Variants in COL19A1 observed in about 807,000 individuals in gnomAD.
The protein encoded by COL19A1 is collagen alpha-1(XIX) chain.
In COL19A1, 159 loss-of-function variants were observed where a neutral mutation model predicts 190.2. The ratio of observed to expected loss-of-function variants is 0.84; its 90% CI spans 0.73 to 0.95. The LOEUF (loss-of-function observed/expected upper bound fraction) is 0.95. COL19A1 is among the 40% of genes least tolerant of loss of function. The pLI is 0.00. For synonymous variants in COL19A1, 509 were observed against 458.9 expected (o/e 1.11, Z -1.39); for missense variants, 1,418 against 1,431.9 (o/e 0.99, Z 0.16).
intron 14 of COL19A1, among the ~76,000 whole-genome samples, chr6:70,067,360 A>T (rs919735929): frequency 2.6e-5 from 4 of 152,010 alleles, no homozygotes; most frequent in African/African-American, 9.7e-5. Context: ...TGTGAGAGAG[A>T]AGTTTAAGAG....
At chr6:70,026,401 G>C (rs1778733549) in intron 12 of COL19A1, among the ~76,000 whole-genome samples, 1 of 152,170 alleles carries the variant, frequency 6.6e-6, no homozygotes, top group South Asian at 2.1e-4. Flanking sequence ...AATCTTGAAA[G>C]AGTCCTTCAC....
chr6:70,168,950 T>C (rs1443392921), intron 40 of COL19A1, among the ~76,000 whole-genome samples: 1 of 152,156 alleles, frequency 6.6e-6, no homozygotes, highest in Non-Finnish European at 1.5e-5. Context: ...ACATATAAAC[T>C]CTGATAAATG....
chr6:69,963,262 CAACT>C (rs1383369468), intron 11 of COL19A1, among the ~76,000 whole-genome samples: 2 of 152,056 alleles, frequency 1.3e-5, no homozygotes, highest in African/African-American at 4.8e-5. Flanking sequence ...TAAATAAGAA[CAACT>C]AACTGTAAAA....
At chr6:70,181,673 A>ACACACACACACACC (rs1348219252) in intron 44 of COL19A1, among the ~76,000 whole-genome samples, 1 of 151,700 alleles carries the variant, frequency 6.6e-6, no homozygotes, top group African/African-American at 2.4e-5. Context: ...ACACACACAC[A>ACACACACACACACC]CACACACAGA....
At chr6:69,954,008 T>C (rs1409604409) in intron 9 of COL19A1, among the ~76,000 whole-genome samples, 1 of 152,032 alleles carries the variant, frequency 6.6e-6, no homozygotes, top group Admixed American at 6.6e-5. Flanking sequence ...AAGGAGCTTT[T>C]AGCCAGACAC....
At chr6:69,988,041 A>C (rs946678087) in intron 11 of COL19A1, among the ~76,000 whole-genome samples, 1 of 152,186 alleles carries the variant, frequency 6.6e-6, no homozygotes, top group African/African-American at 2.4e-5. Flanking sequence ...AAGACTCAAA[A>C]ATGGTTCACT....
At chr6:70,117,736 A>G (rs971251675) in intron 16 of COL19A1, among the ~76,000 whole-genome samples, 4 of 152,194 alleles carry the variant, frequency 2.6e-5, no homozygotes, top group Admixed American at 1.3e-4. Context: ...TCACCACATT[A>G]ATCCAGATGT....
At chr6:70,187,959 G>A (rs527385512) in intron 46 of COL19A1, 116 bp from the exon 47 acceptor site, 1 of 1,214,772 alleles carries the variant, frequency 8.2e-7, no homozygotes, top group Non-Finnish European at 1.2e-6. Context: ...GAGAGTTTAA[G>A]TTATTTATAC....
intron 14 of COL19A1, among the ~76,000 whole-genome samples, chr6:70,036,418 C>G (rs1779354165): frequency 6.6e-6 from 1 of 152,132 alleles, no homozygotes; most frequent in Admixed American, 6.5e-5. Flanking sequence ...TGATTTGATT[C>G]TAAAATTTGC....
chr6:70,176,494 G>T, intron 41 of COL19A1, 26 bp from the exon 42 acceptor site: 1 of 1,610,262 alleles, frequency 6.2e-7, no homozygotes, highest in Non-Finnish European at 8.5e-7. Context: ...TGTCATTAAA[G>T]TAGCAATGTT....
Position 70,174,572 on chromosome 6 carries a change from C to T in COL19A1, c.2623-1948C>T, listed in dbSNP as rs193134166. Among the ~76,000 whole-genome samples the T allele has an allele frequency of 2.9e-3, 406 of 139,440 alleles. 1 individual carries two copies. Among genetic ancestry groups the T allele is most frequent in the African/African-American group, 0.01 (393 of 38,032 alleles). 91.5% of individuals were successfully genotyped at this position (139,440 alleles called of 152,430 possible). ...CAGACTCCGTCTCAAAAAAAAAAAACAAAAAAAACAGGACTACATGTGCTT... is the reference window on the plus strand; with the variant it reads ...CAGACTCCGTCTCAAAAAAAAAAAATAAAAAAAACAGGACTACATGTGCTT... On this transcript the variant is annotated intron_variant, in intron 41 of 50. Transcript: ENST00000620364.
intron 15 of COL19A1, among the ~76,000 whole-genome samples, chr6:70,091,837 TG>T (rs1160475445): frequency 6.6e-6 from 1 of 152,126 alleles, no homozygotes; most frequent in Non-Finnish European, 1.5e-5. Flanking sequence ...TGGGAAATGT[TG>T]GATCTGATGG....
chr6:70,113,630 A>G (rs1317245297), intron 16 of COL19A1, among the ~76,000 whole-genome samples: 1 of 152,100 alleles, frequency 6.6e-6, no homozygotes, highest in Non-Finnish European at 1.5e-5. Flanking sequence ...TTGAAACCTC[A>G]AAAGTTATTT....
chr6:70,143,942 C>T (rs1408881968), intron 23 of COL19A1, among the ~76,000 whole-genome samples: 2 of 152,040 alleles, frequency 1.3e-5, no homozygotes, highest in Non-Finnish European at 2.9e-5. Context: ...ACCATCCTTC[C>T]TCGATGGCAA....
intron 48 of COL19A1, among the ~76,000 whole-genome samples, chr6:70,193,189 C>G (rs1010017410): frequency 3.9e-5 from 6 of 152,168 alleles, no homozygotes; most frequent in Admixed American, 1.3e-4. Flanking sequence ...CCCCTGGCAG[C>G]CTGCCCTGTG....
chr6:70,149,662 T>A, intron 27 of COL19A1, 42 bp from the exon 28 acceptor site: 5 of 1,607,780 alleles, frequency 3.1e-6, no homozygotes, highest in African/African-American at 1.3e-5. Flanking sequence ...TTTATGGACA[T>A]TCTTGGTGGA....
chr6:69,879,582 C>T lies in COL19A1; in HGVS notation c.15C>T (p.Gly5=). 4 of 1,613,950 alleles carry T rather than the reference C, an allele frequency of 2.5e-6. No individual in the cohort carries two copies. In the South Asian group the frequency reaches 3.3e-5, roughly 13 times the overall value. The change falls in exon 2 of 51, where the codon GGC becomes GGT. Residue 5 remains glycine (G), a synonymous_variant. Transcript: ENST00000620364. MRLT[G]PWKLWLWMSI... is the part of the protein sequence containing the mutation. ...TTCAAGGCACAATGAGACTCACTGGCCCTTGGAAACTTTGGCTTTGGATGT... is the reference window on the plus strand; with the variant it reads ...TTCAAGGCACAATGAGACTCACTGGTCCTTGGAAACTTTGGCTTTGGATGT...
chr6:70,112,057 A>T lies in COL19A1; in HGVS notation c.1279-9823A>T, dbSNP rs539554459. Among the ~76,000 whole-genome samples the T allele has an allele frequency of 2.0e-5, 3 of 152,318 alleles. No individual in the cohort carries two copies. The East Asian group carries it at 5.8e-4, about 29-fold the overall frequency. On this transcript the variant is annotated intron_variant, in intron 16 of 50. Coordinates refer to ENST00000620364, the MANE Select transcript of COL19A1 (RefSeq NM_001858.6). Reference sequence around the variant, plus strand: ...AACACTTTTAAAGAGAATGAATGTTATCACCTAATTACAGTAAATGGAAAC... The same window carrying T: ...AACACTTTTAAAGAGAATGAATGTTTTCACCTAATTACAGTAAATGGAAAC...
rs78226725 is a variant in COL19A1, at chr6:70,153,297, G to A, written c.2079+1859G>A. On this transcript the variant is annotated intron_variant, in intron 31 of 50. Coordinates refer to ENST00000620364, the MANE Select transcript of COL19A1 (RefSeq NM_001858.6). ...AATTTGATCATCCTGCTTTCTGTTC[G>A]CAAAAATATCTTTGATTAAAGTATT... 1.8e-4 allele frequency among the ~76,000 whole-genome samples: 28 copies of A among 151,980 alleles called. No homozygotes were observed. In the East Asian group the frequency reaches 4.3e-3, roughly 23 times the overall value.
Sources: gnomAD v4.1 joint callset for allele counts (sites outside exome capture counted in the v4.1 genomes callset) on GRCh38, gnomAD v4.1.1 for gene constraint, MANE v1.5 for transcripts, NCBI Gene and HGNC (gene_info 2026-07-23, HGNC 2026-07-21) for gene names.